The following CNTN4 variants were observed in gnomAD, a reference collection of about 807,000 sequenced individuals.
CNTN4 encodes the protein contactin-4.
In CNTN4, 77 loss-of-function variants were observed where a neutral mutation model predicts 122.5. The observed-to-expected ratio is 0.63, with a 90% CI of 0.52 to 0.76. The LOEUF (loss-of-function observed/expected upper bound fraction) is 0.76. CNTN4 is among the 30% of genes least tolerant of loss of function. CNTN4 has a pLI of 0.00. For synonymous variants in CNTN4, 512 were observed against 447.0 expected (o/e 1.15, Z -1.83); for missense variants, 1,256 against 1,259.1 (o/e 1.00, Z 0.04).
At chr3:2,871,022 T>C (rs529514585) in intron 8 of CNTN4, among the ~76,000 whole-genome samples, 4 of 152,072 alleles carry the variant, frequency 2.6e-5, no homozygotes, top group Admixed American at 6.6e-5. Context: ...CCCCAGCTCT[T>C]CACATGGCTC....
At position 2,554,751 on chromosome 3, in the gene CNTN4, C is replaced by G. The variant is rs1326565096; in HGVS notation, c.-88-16665C>G. On this transcript the variant is annotated intron_variant, in intron 3 of 24. Coordinates refer to ENST00000418658, the MANE Select transcript of CNTN4 (RefSeq NM_175607.3). ...CTTACAAAAATAGATGTTAGACTTT[C>G]GGCCTTTGGGTCTGGGATTTGGCAT... 2.0e-5 allele frequency among the ~76,000 whole-genome samples: 3 copies of G among 152,278 alleles called. No individual in the cohort carries two copies. In the East Asian group the frequency reaches 5.8e-4, roughly 29 times the overall value.
chr3:2,880,063 A>G (rs567221422), intron 8 of CNTN4, among the ~76,000 whole-genome samples: 2 of 152,290 alleles, frequency 1.3e-5, no homozygotes, highest in African/African-American at 4.8e-5. Flanking sequence ...CGCGGAGATA[A>G]CAGTTCAGGG....
At chr3:2,521,441 T>C (rs1024617799) in intron 3 of CNTN4, among the ~76,000 whole-genome samples, 1 of 150,478 alleles carries the variant, frequency 6.6e-6, no homozygotes, top group Non-Finnish European at 1.5e-5. Flanking sequence ...TTTTGAAACC[T>C]ATTTATAACT....
intron 2 of CNTN4, among the ~76,000 whole-genome samples, chr3:2,224,559 G>A (rs1291853094): frequency 1.3e-5 from 2 of 152,144 alleles, no homozygotes; most frequent in Admixed American, 1.3e-4. Context: ...TTTGCCATGA[G>A]TACAACTTAG....
chr3:2,670,748 TG>T (rs2084459998), intron 4 of CNTN4, among the ~76,000 whole-genome samples: 2 of 152,330 alleles, frequency 1.3e-5, no homozygotes, highest in African/African-American at 4.8e-5. Context: ...TTCCTTTCCA[TG>T]TTTAGTGCTT....
intron 4 of CNTN4, among the ~76,000 whole-genome samples, chr3:2,711,720 C>T (rs2087163092): frequency 6.6e-6 from 1 of 152,174 alleles, no homozygotes; most frequent in Admixed American, 6.5e-5. Context: ...AGTCACCCAA[C>T]TGCTGAGCAT....
chr3:2,274,937 A>G (rs190871337), intron 2 of CNTN4, among the ~76,000 whole-genome samples: 25 of 152,322 alleles, frequency 1.6e-4, no homozygotes, highest in African/African-American at 5.8e-4. Flanking sequence ...CAAAGGGCAC[A>G]GGATGAGGAA....
At chr3:2,723,301 T>A (rs1304521105) in intron 4 of CNTN4, among the ~76,000 whole-genome samples, 1 of 152,228 alleles carries the variant, frequency 6.6e-6, no homozygotes, top group Non-Finnish European at 1.5e-5. Context: ...AAAGTGGGGT[T>A]TGATAAAAAT....
At chr3:2,878,805 A>T (rs975925691) in intron 8 of CNTN4, among the ~76,000 whole-genome samples, 2 of 152,208 alleles carry the variant, frequency 1.3e-5, no homozygotes, top group African/African-American at 4.8e-5. Flanking sequence ...ATCTAAATGG[A>T]AGGCAGACAC....
chr3:2,263,113 C>T (rs563419672), intron 2 of CNTN4, among the ~76,000 whole-genome samples: 1 of 152,162 alleles, frequency 6.6e-6, no homozygotes, highest in East Asian at 1.9e-4. Flanking sequence ...TTTCTTGTGG[C>T]CATGTGTCCA....
chr3:2,502,801 G>A (rs150617153), intron 3 of CNTN4, among the ~76,000 whole-genome samples: 1 of 152,194 alleles, frequency 6.6e-6, no homozygotes, highest in East Asian at 1.9e-4. Flanking sequence ...ATCACAGCTA[G>A]AACTTTGGTG....
chr3:2,170,810 A>T (rs1300836741), intron 2 of CNTN4, among the ~76,000 whole-genome samples: 2 of 152,202 alleles, frequency 1.3e-5, no homozygotes, highest in Non-Finnish European at 2.9e-5. Flanking sequence ...GATCAATAGA[A>T]ATAGAACAAA....
chr3:2,589,856 G>A (rs545018613), intron 4 of CNTN4, among the ~76,000 whole-genome samples: 1 of 152,314 alleles, frequency 6.6e-6, no homozygotes, highest in East Asian at 1.9e-4. Context: ...GACATGGCCT[G>A]TGGCTTCCCT....
Position 2,895,115 on chromosome 3 carries a change from A to G in CNTN4, c.941-5570A>G, listed in dbSNP as rs545122836. Among the ~76,000 whole-genome samples the G allele has an allele frequency of 2.6e-5, 4 of 152,260 alleles. No individual in the cohort carries two copies. In the East Asian group the frequency reaches 7.7e-4, roughly 29 times the overall value. On this transcript the variant is annotated intron_variant, in intron 10 of 24. Coordinates refer to ENST00000418658, the MANE Select transcript of CNTN4 (RefSeq NM_175607.3). ...CTCAGCCTCCTGAGTAGCTGGGACTACAGACAGGCACCACCATGCCCGGCT... is the reference window on the plus strand; with the variant it reads ...CTCAGCCTCCTGAGTAGCTGGGACTGCAGACAGGCACCACCATGCCCGGCT...
chr3:2,590,662 C>A (rs928484823), intron 4 of CNTN4, among the ~76,000 whole-genome samples: 1 of 152,028 alleles, frequency 6.6e-6, no homozygotes, highest in Non-Finnish European at 1.5e-5. Context: ...TTCTAATCTT[C>A]TTTTCCATTA....
intron 12 of CNTN4, among the ~76,000 whole-genome samples, chr3:2,920,397 T>C (rs2094416794): frequency 6.6e-6 from 1 of 151,264 alleles, no homozygotes; most frequent in African/African-American, 2.4e-5. Flanking sequence ...CATGGTGCTT[T>C]TGCCCAGTCT....
chr3:2,914,367 G>C (rs780244481), intron 12 of CNTN4, among the ~76,000 whole-genome samples: 35 of 152,186 alleles, frequency 2.3e-4, no homozygotes, highest in Middle Eastern at 3.4e-3. Flanking sequence ...GTAAACAAGA[G>C]TTGATTTTTA....
chr3:2,975,081 T>C (rs914201448), intron 13 of CNTN4, among the ~76,000 whole-genome samples: 9 of 152,268 alleles, frequency 5.9e-5, no homozygotes, highest in African/African-American at 1.9e-4. Flanking sequence ...CAACTTCAAG[T>C]TATTTTTCAC....
chr3:2,270,621 C>T (rs937796106), intron 2 of CNTN4, among the ~76,000 whole-genome samples: 2 of 152,044 alleles, frequency 1.3e-5, no homozygotes, highest in East Asian at 3.9e-4. Flanking sequence ...TGGCTACATG[C>T]TTACAGACAT....
Sources: allele counts gnomAD v4.1 joint callset (sites outside exome capture counted in the v4.1 genomes callset), GRCh38; gene constraint gnomAD v4.1.1; transcripts MANE v1.5; gene names NCBI Gene and HGNC (gene_info 2026-07-23, HGNC 2026-07-21).